Variants in SLC30A10 observed in about 807,000 individuals in gnomAD.
SLC30A10 encodes solute carrier family 30 member 10.
A neutral mutation model predicts 21.7 loss-of-function variants in SLC30A10; 8 were observed. That is an observed-to-expected ratio of 0.37 (90% CI 0.22 to 0.67). The LOEUF (loss-of-function observed/expected upper bound fraction) is 0.67. Among genes scored for constraint, SLC30A10 ranks in the 30% least tolerant of loss-of-function variants. SLC30A10 has a pLI of 0.58. For synonymous variants in SLC30A10, 272 were observed against 279.4 expected (o/e 0.97, Z 0.26); for missense variants, 521 against 642.5 (o/e 0.81, Z 2.04).
chr1:219,927,133 G>C (rs1351284685), intron 1 of SLC30A10, 28 bp from the exon 2 acceptor site: 2 of 1,611,448 alleles, frequency 1.2e-6, no homozygotes, highest in African/African-American at 2.7e-5. Context: ...ACCTTGTGTT[G>C]TGTATAAGTT....
In SLC30A10 at chr1:219,928,161, A is replaced by C. The variant is rs931668147; in HGVS notation, c.280T>G (p.Phe94Val). The change falls in exon 1 of 4, where the codon TTC (phenylalanine) becomes GTC (valine). Residue 94 changes from phenylalanine (F) to valine (V), a missense_variant. Transcript: ENST00000366926. The surrounding 1 kb of genome is among the most constrained non-coding windows in gnomAD (Gnocchi z 6.3). ...SNAVFLTALC[F>V]TIFVEAVLRL... ...AGCACGGCCTCCACGAAGATGGTGA[A>C]GCAGAGCGCGGTGAGGAAGACCGCG... is the stretch of plus-strand genomic sequence containing the variant. 1.1e-5 allele frequency: 17 copies of C among 1,560,598 alleles called. No homozygotes were observed. The highest frequency in any genetic ancestry group is 1.5e-5 in the Non-Finnish European group (17 of 1,152,588).
At chr1:219,916,502 G>A (rs1048219977) in intron 3 of SLC30A10, among the ~76,000 whole-genome samples, 2 of 152,218 alleles carry the variant, frequency 1.3e-5, no homozygotes, top group Admixed American at 6.5e-5. Flanking sequence ...ATGAGAAAAT[G>A]TACATAAGGT....
chr1:219,911,163 T>G lies in SLC30A10; in HGVS notation c.*4286A>C, dbSNP rs1297275076. ...TTTCTACATCAGTTTTTTTTTTTTT[T>G]TTTTTTTTTTTGCAGTCTTTTACTA... On this transcript the variant is annotated 3_prime_UTR_variant, in exon 4 of 4. Coordinates refer to ENST00000366926, the MANE Select transcript of SLC30A10 (RefSeq NM_018713.3). Among the ~76,000 whole-genome samples, 1 of 144,872 alleles carries G rather than the reference T, an allele frequency of 6.9e-6. No individual in the cohort carries two copies. The highest frequency in any genetic ancestry group is 1.5e-5 in the Non-Finnish European group (1 of 65,976).
At chr1:219,928,824 C>G (rs1046244090), upstream of SLC30A10, among the ~76,000 whole-genome samples, 1 of 152,204 alleles carries the variant, frequency 6.6e-6, no homozygotes, top group Non-Finnish European at 1.5e-5. This position sits in a 1 kb window ranked among gnomAD's most constrained non-coding sequence, Gnocchi z 6.3. Context: ...CACAGACTCC[C>G]TCCCCATGCA....
chr1:219,929,748 C>G (rs1192069985), upstream of SLC30A10, among the ~76,000 whole-genome samples: 1 of 152,150 alleles, frequency 6.6e-6, no homozygotes, highest in Non-Finnish European at 1.5e-5. Context: ...TCTCGAACTC[C>G]TGACCTCAAG....
rs766560883 is a variant in SLC30A10, at chr1:219,911,157, T to TTTG, written c.*4291_*4292insCAA. Among the ~76,000 whole-genome samples, 2 of 107,454 alleles carry TTTG rather than the reference T, an allele frequency of 1.9e-5. No homozygotes were observed. Among genetic ancestry groups the TTTG allele is most frequent in the Admixed American group, 1.0e-4 (1 of 9,926 alleles). The allele number at this position is 107,454 out of a possible 152,430, so 70.5% of individuals were successfully genotyped here. A position where few individuals can be genotyped will look rare whatever the true frequency, so the allele number is the denominator to read the frequency against. ...TCATTTTTTCTACATCAGTTTTTTT[T>TTTG]TTTTTTTTTTTTTTTTTGCAGTCTT... On this transcript the variant is annotated 3_prime_UTR_variant, in exon 4 of 4. Coordinates refer to ENST00000366926, the MANE Select transcript of SLC30A10 (RefSeq NM_018713.3).
rs1175263305 is a variant in SLC30A10 at position 219,911,617 on chromosome 1, T to A, written c.*3832A>T. 1.3e-5 allele frequency among the ~76,000 whole-genome samples: 2 copies of A among 151,708 alleles called. No homozygotes were observed. The highest frequency in any genetic ancestry group is 2.4e-5 in the African/African-American group (1 of 40,994). ...ATTTATAAGGGCTTTTCATTTCAAATTACATTTTTCTTTAAATATCCAAAG... is the reference window on the plus strand; with the variant it reads ...ATTTATAAGGGCTTTTCATTTCAAAATACATTTTTCTTTAAATATCCAAAG... On this transcript the variant is annotated 3_prime_UTR_variant, in exon 4 of 4. Coordinates refer to ENST00000366926, the MANE Select transcript of SLC30A10 (RefSeq NM_018713.3).
At position 219,918,108 on chromosome 1, in the gene SLC30A10, T is replaced by A. The variant is rs1373078166; in HGVS notation, c.958+147A>T. On this transcript the variant is annotated intron_variant, in intron 3 of 3. Transcript: ENST00000366926. This position sits in a 1 kb window ranked among gnomAD's most constrained non-coding sequence, Gnocchi z 4.4. ...GGAGCTGAGTCATCTTAATAGGCTA[T>A]AAAACATATGATGACATCTCTACCA... 1.8e-6 allele frequency: 2 copies of A among 1,098,492 alleles called. No individual in the cohort carries two copies. Among genetic ancestry groups the A allele is most frequent in the East Asian group, 4.8e-5 (2 of 41,920 alleles). 68.0% of individuals were successfully genotyped at this position (1,098,492 alleles called of 1,614,324 possible). A position where few individuals can be genotyped will look rare whatever the true frequency, so the allele number is the denominator to read the frequency against.
intron 2 of SLC30A10, among the ~76,000 whole-genome samples, chr1:219,922,374 G>C (rs545893496): frequency 6.6e-6 from 1 of 151,990 alleles, no homozygotes; most frequent in South Asian, 2.1e-4. Context: ...AGTCTCCTGT[G>C]ATGAGACATC....
intron 2 of SLC30A10, among the ~76,000 whole-genome samples, chr1:219,921,915 GAGAGAC>G (rs1432067055): frequency 1.5e-5 from 1 of 65,794 alleles, no homozygotes; most frequent in South Asian, 5.5e-4. Context: ...GAAAGAGAGA[GAGAGAC>G]AGAGAGAGAG....
At chr1:219,923,528 C>G (rs1031848840) in intron 2 of SLC30A10, among the ~76,000 whole-genome samples, 1 of 152,160 alleles carries the variant, frequency 6.6e-6, no homozygotes, top group African/African-American at 2.4e-5. Flanking sequence ...ATTGGAATTA[C>G]AAAGAAACAT....
In SLC30A10 at chr1:219,927,902, G is replaced by A. The variant is rs1296646765; in HGVS notation, c.539C>T (p.Ala180Val). 1 of 1,538,256 alleles carries A rather than the reference G, an allele frequency of 6.5e-7. No individual in the cohort carries two copies. Among genetic ancestry groups the A allele is most frequent in the South Asian group, 1.2e-5 (1 of 83,014 alleles). Residue 180 changes from alanine to valine, a missense_variant, in exon 1 of 4, where the codon GCG becomes GTG. Ala to Val is a moderately conservative substitution (Grantham distance 64). Transcript: ENST00000366926. ...GTCCGAGCCTGGGGCTGTCGGGTCC[G>A]CCGCGCGCCGCGGGTCCTCCGCGCC... Reference protein sequence around the residue: ...PQGAEDPRRAADPTAPGSDSA... With the variant: ...PQGAEDPRRAVDPTAPGSDSA...
chr1:219,921,870 T>TCA (rs1659683562), intron 2 of SLC30A10, among the ~76,000 whole-genome samples: 1 of 98,662 alleles, frequency 1.0e-5, no homozygotes, highest in African/African-American at 4.6e-5. Flanking sequence ...GGGGTGTCTC[T>TCA]GAGTGTGTGT....
Position 219,915,610 on chromosome 1 carries a change from C to T in SLC30A10, c.1297G>A (p.Gly433Ser). Residue 433 changes from glycine to serine, a missense_variant, in exon 4 of 4, where the codon GGT becomes AGT. Transcript: ENST00000366926. ...CCGTATGTGTCTAGAGAGGGCCCAC[C>T]ATTGTGCTCAGCACAGCCATTGACG... ...AHVNGCAEHN[G>S]GPSLDTYGSD... 6.2e-7 allele frequency: 1 copy of T among 1,614,232 alleles called. No individual in the cohort carries two copies. The highest frequency in any genetic ancestry group is 8.5e-7 in the Non-Finnish European group (1 of 1,180,042).
Position 219,928,293 on chromosome 1 carries a change from A to G in SLC30A10, c.148T>C (p.Ser50Pro). The G allele has an allele frequency of 6.2e-7, 1 of 1,607,258 alleles. No homozygotes were observed. The highest frequency in any genetic ancestry group is 8.5e-7 in the Non-Finnish European group (1 of 1,177,768). ...CCGGCGCTCAGGCCCACGCACAGCG[A>G]GATCAGGTCGGAGAGCATGTTGAAG... ...DSFNMLSDLI[S>P]LCVGLSAGYI... is the part of the protein sequence containing the mutation. The change falls in exon 1 of 4, where the codon TCG becomes CCG. Residue 50 changes from serine to proline, a missense_variant. Ser to Pro is a moderately conservative substitution (Grantham distance 74, BLOSUM62 -1). Coordinates refer to ENST00000366926, the MANE Select transcript of SLC30A10 (RefSeq NM_018713.3). This position sits in a 1 kb window ranked among gnomAD's most constrained non-coding sequence, Gnocchi z 6.3.
Position 219,912,148 on chromosome 1 carries a change from C to T in SLC30A10, c.*3301G>A, listed in dbSNP as rs868150196. Among the ~76,000 whole-genome samples the T allele has an allele frequency of 4.9e-4, 61 of 125,576 alleles. No homozygotes were observed. Among genetic ancestry groups the T allele is most frequent in the African/African-American group, 1.7e-3 (55 of 32,740 alleles). 82.4% of individuals were successfully genotyped at this position (125,576 alleles called of 152,430 possible). A position where few individuals can be genotyped will look rare whatever the true frequency, so the allele number is the denominator to read the frequency against. ...CTTTAGAGTTCTTGATTTACCACCA[C>T]TGGAATTTGCTCTACCAATGGCAAA... On this transcript the variant is annotated 3_prime_UTR_variant, in exon 4 of 4. Coordinates refer to ENST00000366926, the MANE Select transcript of SLC30A10 (RefSeq NM_018713.3).
intron 1 of SLC30A10, among the ~76,000 whole-genome samples, chr1:219,954,549 G>C (rs1452071697): frequency 6.6e-6 from 1 of 151,628 alleles, no homozygotes. Context: ...GCATAGTGGC[G>C]CACGCCTGTA....
At chr1:219,930,313 A>C (rs1484555446), upstream of SLC30A10, among the ~76,000 whole-genome samples, 2 of 152,128 alleles carry the variant, frequency 1.3e-5, no homozygotes, top group African/African-American at 2.4e-5. Flanking sequence ...CTCTACAAAA[A>C]ATAAAAATAA....
chr1:219,953,004 G>A (rs1165618356), intron 1 of SLC30A10, among the ~76,000 whole-genome samples: 1 of 152,172 alleles, frequency 6.6e-6, no homozygotes, highest in Admixed American at 6.5e-5. Context: ...AAAGAGCTGT[G>A]AGGGAATTTA....
Sources: gnomAD v4.1 joint callset for allele counts (sites outside exome capture counted in the v4.1 genomes callset) on GRCh38, gnomAD v4.1.1 for gene constraint, Gnocchi (gnomAD v3.1) non-coding constraint, MANE v1.5 for transcripts, NCBI Gene and HGNC (gene_info 2026-07-23, HGNC 2026-07-21) for gene names.